Variants in CCDC195 observed in about 807,000 individuals in gnomAD.
CCDC195 encodes the protein coiled-coil domain-containing protein 195.
At chr2:224,714,562 G>A (rs1689358892) in intron 1 of CCDC195, among the ~76,000 whole-genome samples, 2 of 152,192 alleles carry the variant, frequency 1.3e-5, no homozygotes, top group East Asian at 3.8e-4. Flanking sequence ...TTAGAGGCCA[G>A]GGAAGCTGCT....
Position 224,710,422 on chromosome 2 carries a change from C to A in CCDC195, c.236-203G>T, listed in dbSNP as rs547808920. Among the ~76,000 whole-genome samples, 8 of 152,296 alleles carry A rather than the reference C, an allele frequency of 5.3e-5. No individual in the cohort carries two copies. The East Asian group carries it at 1.5e-3, about 29-fold the overall frequency. ...CTTTGGGAGGCCAAGGTGGGTGGAT[C>A]ACAAGGTCAGGCGATGGTGACCATC... is the stretch of plus-strand genomic sequence containing the variant. On this transcript the variant is annotated intron_variant, in intron 1 of 2. Transcript: ENST00000638102.
chr2:224,707,598 C>G (rs1286812695), intron 2 of CCDC195, among the ~76,000 whole-genome samples: 1 of 152,202 alleles, frequency 6.6e-6, no homozygotes, highest in Non-Finnish European at 1.5e-5. Context: ...TTAACACCGT[C>G]TAACATAATA....
chr2:224,704,936 C>T (rs1697224239), intron 2 of CCDC195, among the ~76,000 whole-genome samples: 2 of 152,148 alleles, frequency 1.3e-5, no homozygotes, highest in South Asian at 2.1e-4. Context: ...CAGCTGCACC[C>T]TCTTTTGGGA....
intron 1 of CCDC195, among the ~76,000 whole-genome samples, chr2:224,711,346 A>G (rs1029994275): frequency 1.3e-5 from 2 of 149,192 alleles, no homozygotes; most frequent in African/African-American, 5.0e-5. Flanking sequence ...CCTTGAGGTA[A>G]ATCAAATCTT....
intron 1 of CCDC195, among the ~76,000 whole-genome samples, chr2:224,713,116 C>G (rs951459852): frequency 1.3e-5 from 2 of 152,154 alleles, no homozygotes; most frequent in Non-Finnish European, 2.9e-5. Context: ...ATCCACCCAC[C>G]TTGGCCTCCC....
chr2:224,710,357 A>T (rs1306249248), intron 1 of CCDC195, 138 bp from the exon 2 acceptor site: 4 of 393,248 alleles, frequency 1.0e-5, no homozygotes, highest in Non-Finnish European at 1.8e-5. Flanking sequence ...AAAGATATCC[A>T]TTTGGCCTGG....
At position 224,709,086 on chromosome 2, in the gene CCDC195, C is replaced by CTTT. The variant is rs35179742; in HGVS notation, c.482+884_482+886dup. Among the ~76,000 whole-genome samples, 273 of 95,744 alleles carry CTTT rather than the reference C, an allele frequency of 2.9e-3. 8 individuals are homozygous for CTTT. Among genetic ancestry groups the CTTT allele is most frequent in the East Asian group, 0.012 (39 of 3,154 alleles). 62.8% of individuals were successfully genotyped at this position (95,744 alleles called of 152,430 possible). On this transcript the variant is annotated intron_variant, in intron 2 of 2. Transcript: ENST00000638102. ...TTTTCTTTCTTTTCCTTTCTTTTGTCTTTTTTTTTTTTTTTTTTTTGAGAT... is the reference window on the plus strand; with the variant it reads ...TTTTCTTTCTTTTCCTTTCTTTTGTCTTTTTTTTTTTTTTTTTTTTTTTGAGAT...
chr2:224,703,949 G>A (rs1697208497), intron 2 of CCDC195, 62 bp from the exon 3 acceptor site: 2 of 397,580 alleles, frequency 5.0e-6, no homozygotes, highest in South Asian at 1.3e-4. Flanking sequence ...ATAGAACATT[G>A]ATGATTTTTC....
rs191004459 is a variant in CCDC195, at chr2:224,706,730, G to A, written c.483-2843C>T. Among the ~76,000 whole-genome samples the A allele has an allele frequency of 9.3e-4, 140 of 151,244 alleles. 5 individuals are homozygous for A. The highest frequency in any genetic ancestry group is 6.1e-3 in the East Asian group (31 of 5,094). On this transcript the variant is annotated intron_variant, in intron 2 of 2. Transcript: ENST00000638102. ...TCACCATGTTGGTCAGGCTGGTCTC[G>A]AACTCCTGACCTCAGGTTATCTGCC...
intron 1 of CCDC195, 60 bp from the exon 2 acceptor site, chr2:224,710,279 G>GA (rs1689299235): frequency 2.5e-6 from 1 of 397,800 alleles, no homozygotes; most frequent in Non-Finnish European, 4.4e-6. Flanking sequence ...ACTCACAAAT[G>GA]AAAAATGATA....
chr2:224,712,470 G>A lies in CCDC195; in HGVS notation c.236-2251C>T, dbSNP rs555122923. On this transcript the variant is annotated intron_variant, in intron 1 of 2. Transcript: ENST00000638102. ...CATTTACCCAGCAAGGATTCATTCC[G>A]AGCAGGCACTCTGCATTCTCAGTAT... Among the ~76,000 whole-genome samples the A allele has an allele frequency of 3.3e-5, 5 of 152,300 alleles. No homozygotes were observed. The East Asian group carries it at 5.8e-4, about 18-fold the overall frequency.
chr2:224,709,574 T>C (rs115801458), intron 2 of CCDC195, among the ~76,000 whole-genome samples: 3,720 of 152,322 alleles, frequency 0.024, 169 homozygotes, highest in African/African-American at 0.085. Flanking sequence ...TGCATTCAGC[T>C]CTTAAAGTAA....
rs1209923690 is a variant in CCDC195 at position 224,710,171 on chromosome 2, G to T, written c.284C>A (p.Ser95Ter). Residue 95 changes from serine (S) to a stop codon, truncating the protein, a stop_gained, in exon 2 of 3, where the codon TCA becomes TAA. Transcript: ENST00000638102. LOFTEE classifies it high-confidence loss of function. ...TTTCCAGGGATCATTTACAGCAGAT[G>T]AGCAAACTGATGATGAAATGGAATA... 1.0e-5 allele frequency: 4 copies of T among 398,420 alleles called. No homozygotes were observed. 24.7% of individuals were successfully genotyped at this position (398,420 alleles called of 1,614,324 possible).
At chr2:224,709,086 C>CTTTTTTT (rs35179742) in intron 2 of CCDC195, among the ~76,000 whole-genome samples, 38 of 95,752 alleles carry the variant, frequency 4.0e-4, no homozygotes, top group East Asian at 9.5e-4. Flanking sequence ...TTTCTTTTGT[C>CTTTTTTT]TTTTTTTTTT....
chr2:224,714,014 T>G (rs1390769684), intron 1 of CCDC195, among the ~76,000 whole-genome samples: 1 of 152,114 alleles, frequency 6.6e-6, no homozygotes, highest in African/African-American at 2.4e-5. Context: ...TTCTTTTCTT[T>G]TCTTTGTAGA....
chr2:224,715,071 G>A (rs973468159), intron 1 of CCDC195, among the ~76,000 whole-genome samples: 17 of 152,080 alleles, frequency 1.1e-4, no homozygotes, highest in Admixed American at 9.8e-4. Context: ...TGAGATTACA[G>A]GTGTGCGCCA....
chr2:224,713,410 C>T (rs1689344820), intron 1 of CCDC195, among the ~76,000 whole-genome samples: 1 of 152,176 alleles, frequency 6.6e-6, no homozygotes, highest in Non-Finnish European at 1.5e-5. Context: ...ATCATTACCT[C>T]CATTTTACAG....
At chr2:224,713,453 ACT>A (rs1193857571) in intron 1 of CCDC195, among the ~76,000 whole-genome samples, 2 of 152,044 alleles carry the variant, frequency 1.3e-5, no homozygotes, top group Non-Finnish European at 2.9e-5. Context: ...GCTCTACATC[ACT>A]CTGTATTCAT....
In CCDC195 at chr2:224,705,424, G is replaced by A. The variant is rs1304717370; in HGVS notation, c.483-1537C>T. On this transcript the variant is annotated intron_variant, in intron 2 of 2. Transcript: ENST00000638102. ...ATTAAAATCCTGTTTTTAGTTTCTG[G>A]AAAGCTTTGATTCTTAGAAATATTG... Among the ~76,000 whole-genome samples, 3 of 152,086 alleles carry A rather than the reference G, an allele frequency of 2.0e-5. No homozygotes were observed. In the East Asian group the frequency reaches 5.8e-4, roughly 29 times the overall value.
Sources: gnomAD v4.1 joint callset for allele counts (sites outside exome capture counted in the v4.1 genomes callset) on GRCh38, gnomAD v4.1.1 for gene constraint, MANE v1.5 for transcripts, NCBI Gene and HGNC (gene_info 2026-07-23, HGNC 2026-07-21) for gene names.